Variants in PCDH9 observed in about 807,000 individuals in gnomAD.
PCDH9 encodes the protein protocadherin-9.
PCDH9 carries 24 observed loss-of-function variants against 70.6 expected under a neutral mutation model. The observed-to-expected ratio is 0.34, with a 90% CI of 0.25 to 0.48. The LOEUF (loss-of-function observed/expected upper bound fraction) is 0.48. PCDH9 is among the 20% of genes least tolerant of loss of function. PCDH9 has a pLI of 0.99. For synonymous variants in PCDH9, 562 were observed against 558.5 expected, an observed-to-expected ratio of 1.01 and a Z score of -0.09; for missense variants, 1,281 against 1,503.6, an observed-to-expected ratio of 0.85 and a Z score of 2.45.
At chr13:66,596,620 G>A (rs1007204458) in intron 4 of PCDH9, among the ~76,000 whole-genome samples, 3 of 151,394 alleles carry the variant, frequency 2.0e-5, no homozygotes, top group African/African-American at 4.8e-5. Context: ...CATCAAATAC[G>A]AGAACGTGAC....
At chr13:67,003,812 C>T (rs2084293292) in intron 2 of PCDH9, among the ~76,000 whole-genome samples, 1 of 152,154 alleles carries the variant, frequency 6.6e-6, no homozygotes. Context: ...TTAATGATTG[C>T]TCCTCGTTAT....
At chr13:67,192,506 C>T (rs780636866) in intron 2 of PCDH9, among the ~76,000 whole-genome samples, 7 of 152,214 alleles carry the variant, frequency 4.6e-5, no homozygotes, top group Non-Finnish European at 7.4e-5. Flanking sequence ...TTTATGAGTG[C>T]TTTTATAAAA....
intron 2 of PCDH9, among the ~76,000 whole-genome samples, chr13:67,109,166 A>G (rs937670344): frequency 1.3e-5 from 2 of 152,206 alleles, no homozygotes; most frequent in Non-Finnish European, 2.9e-5. Context: ...CTCATGTATC[A>G]TAAGGAAAAA....
At chr13:67,218,378 A>C (rs1032333098) in intron 2 of PCDH9, 8 of 152,124 alleles carry the variant, frequency 5.3e-5, no homozygotes, top group Non-Finnish European at 1.5e-5. Flanking sequence ...TAGCACTGGG[A>C]GAGATATATG....
intron 2 of PCDH9, among the ~76,000 whole-genome samples, chr13:66,997,754 C>T (rs1416140789): frequency 1.3e-5 from 2 of 152,064 alleles, no homozygotes; most frequent in East Asian, 1.9e-4. Flanking sequence ...AGGCTGGTCT[C>T]GATCCCCTGA....
intron 2 of PCDH9, among the ~76,000 whole-genome samples, chr13:67,113,104 G>A (rs1000084913): frequency 1.3e-5 from 2 of 152,040 alleles, no homozygotes; most frequent in African/African-American, 4.8e-5. Context: ...GACCTTGGTG[G>A]AATCTTATTT....
chr13:67,093,883 T>A (rs890929124), intron 2 of PCDH9, among the ~76,000 whole-genome samples: 1 of 152,196 alleles, frequency 6.6e-6, no homozygotes, highest in South Asian at 2.1e-4. Flanking sequence ...GTAAATTTAC[T>A]TTCTAGTTTT....
At position 66,379,478 on chromosome 13, in the gene PCDH9, T is replaced by A. The variant is rs180901480; in HGVS notation, c.3341-74450A>T. On this transcript the variant is annotated intron_variant, in intron 4 of 4. Transcript: ENST00000377865. ...CTGTGTTCTGGGGTTATTTCTTGAG[T>A]GGCAAGGAAAAATGCATAGTTATGC... is the stretch of plus-strand genomic sequence containing the variant. Among the ~76,000 whole-genome samples, 154 of 152,238 alleles carry A rather than the reference T, an allele frequency of 1.0e-3. 2 individuals are homozygous for A. The highest frequency in any genetic ancestry group is 3.5e-3 in the African/African-American group (147 of 41,536).
chr13:67,066,235 T>C (rs2085644810), intron 2 of PCDH9, among the ~76,000 whole-genome samples: 1 of 151,874 alleles, frequency 6.6e-6, no homozygotes, highest in Admixed American at 6.6e-5. Flanking sequence ...ATAATTTGGG[T>C]CAGCTTTTTT....
At chr13:67,100,790 T>C (rs889562069) in intron 2 of PCDH9, among the ~76,000 whole-genome samples, 6 of 152,228 alleles carry the variant, frequency 3.9e-5, no homozygotes, top group Non-Finnish European at 4.4e-5. Context: ...AGCTATTCAT[T>C]CCTTTTCAAC....
chr13:66,793,795 T>C (rs1413405876), intron 3 of PCDH9, among the ~76,000 whole-genome samples: 4 of 152,212 alleles, frequency 2.6e-5, no homozygotes, highest in East Asian at 3.8e-4. Flanking sequence ...TTTATTTTCA[T>C]TGGCTTCTAA....
chr13:66,350,785 A>G (rs766850467), intron 4 of PCDH9, among the ~76,000 whole-genome samples: 16 of 152,160 alleles, frequency 1.1e-4, no homozygotes, highest in Non-Finnish European at 2.4e-4. Context: ...CCTAAATGGC[A>G]TTCCTGCTTC....
rs1955410375 is a variant in PCDH9 at position 66,303,724 on chromosome 13, T to A, written c.*931A>T. 6.6e-6 allele frequency: 1 copy of A among 152,392 alleles called. No individual in the cohort carries two copies. Among genetic ancestry groups the A allele is most frequent in the Non-Finnish European group, 1.5e-5 (1 of 67,978 alleles). 9.4% of individuals were successfully genotyped at this position (152,392 alleles called of 1,614,324 possible). A position where few individuals can be genotyped will look rare whatever the true frequency, so the allele number is the denominator to read the frequency against. On this transcript the variant is annotated 3_prime_UTR_variant, in exon 5 of 5. Coordinates refer to ENST00000377865, the MANE Select transcript of PCDH9 (RefSeq NM_203487.3). ...AGTTTTCCATTACTCTCTCACTTAA[T>A]GGTACTAATTAAGTGATTTTGCTTT...
At chr13:66,695,126 C>A (rs1273503190) in intron 3 of PCDH9, among the ~76,000 whole-genome samples, 1 of 152,028 alleles carries the variant, frequency 6.6e-6, no homozygotes. Flanking sequence ...GATGGTCTCG[C>A]TCTCATGACC....
intron 3 of PCDH9, among the ~76,000 whole-genome samples, chr13:66,839,821 C>T (rs1421609308): frequency 6.6e-6 from 1 of 152,128 alleles, no homozygotes; most frequent in Non-Finnish European, 1.5e-5. Context: ...TTCACTGCCA[C>T]CCTAGTCCTC....
At chr13:66,626,964 T>C (rs982930011) in intron 4 of PCDH9, among the ~76,000 whole-genome samples, 10 of 151,808 alleles carry the variant, frequency 6.6e-5, no homozygotes, top group Admixed American at 6.6e-5. Context: ...TGTGTGTGTG[T>C]GTGTGTGTGT....
chr13:66,673,699 C>T (rs1383134164), intron 3 of PCDH9, among the ~76,000 whole-genome samples: 1 of 152,070 alleles, frequency 6.6e-6, no homozygotes, highest in African/African-American at 2.4e-5. Context: ...TTAAGATGCC[C>T]AAACTTTGTA....
chr13:66,417,495 C>T (rs1957480921), intron 4 of PCDH9, among the ~76,000 whole-genome samples: 1 of 152,154 alleles, frequency 6.6e-6, no homozygotes. Flanking sequence ...CATACCTGTA[C>T]ATGTAACTTT....
intron 4 of PCDH9, among the ~76,000 whole-genome samples, chr13:66,439,453 A>C (rs1423574474): frequency 2.0e-5 from 3 of 152,186 alleles, no homozygotes; most frequent in Non-Finnish European, 4.4e-5. Flanking sequence ...CCACAGAAAT[A>C]AAATAGGTAA....
Sources: allele counts gnomAD v4.1 joint callset (sites outside exome capture counted in the v4.1 genomes callset), GRCh38; gene constraint gnomAD v4.1.1; transcripts MANE v1.5; gene names NCBI Gene and HGNC (gene_info 2026-07-23, HGNC 2026-07-21).